Variants in ACTL8 observed in about 807,000 individuals in gnomAD.
ACTL8 encodes the protein actin like 8.
A neutral mutation model predicts 9.3 loss-of-function variants in ACTL8; 3 were observed. The observed-to-expected ratio is 0.32, with a 90% CI of 0.15 to 0.83. The LOEUF (loss-of-function observed/expected upper bound fraction) is 0.83. ACTL8 is among the 40% of genes least tolerant of loss of function. ACTL8 has a pLI of 0.57. For synonymous variants in ACTL8, 224 were observed against 205.9 expected (o/e 1.09, Z -0.75); for missense variants, 381 against 492.2 (o/e 0.77, Z 2.14).
chr1:17,823,029 C>G lies in ACTL8; in HGVS notation c.21C>G (p.Ile7Met). 1 of 1,614,026 alleles carries G rather than the reference C, an allele frequency of 6.2e-7. No homozygotes were observed. Among genetic ancestry groups the G allele is most frequent in the Middle Eastern group, 1.7e-4 (1 of 6,060 alleles). ...CCGCCATGGCTGCAAGAACCGTTAT[C>G]ATTGACCACGGGTCTGGCTTTTTGA... MAARTV[I>M]IDHGSGFLKA... Residue 7 changes from isoleucine (I) to methionine (M), a missense_variant, in exon 2 of 3, where the codon ATC becomes ATG. Around this residue, in one of 3 missense-constraint regions of ACTL8, gnomAD observed 125 missense variants for 180.7 expected, o/e 0.69. Transcript: ENST00000375406. The surrounding 1 kb of genome is among the most constrained non-coding windows in gnomAD (Gnocchi z 5.3).
At chr1:17,824,548 T>G (rs186148000) in intron 2 of ACTL8, among the ~76,000 whole-genome samples, 2 of 152,338 alleles carry the variant, frequency 1.3e-5, no homozygotes, top group East Asian at 3.9e-4. Flanking sequence ...TATTGTAGGT[T>G]TACTAGGTAA....
At chr1:17,790,053 A>G (rs1011493184) in intron 1 of ACTL8, among the ~76,000 whole-genome samples, 10 of 152,314 alleles carry the variant, frequency 6.6e-5, no homozygotes, top group Admixed American at 5.9e-4. Context: ...ACAGTCAGAC[A>G]TGCCAGCTGC....
intron 1 of ACTL8, among the ~76,000 whole-genome samples, chr1:17,774,512 G>C (rs2066104982): frequency 2.6e-5 from 4 of 152,130 alleles, no homozygotes; most frequent in Admixed American, 2.6e-4. Flanking sequence ...GCCAGGGAAG[G>C]CCCACTGAGA....
intron 1 of ACTL8, among the ~76,000 whole-genome samples, chr1:17,784,281 C>G (rs1473206079): frequency 6.6e-6 from 1 of 152,148 alleles, no homozygotes; most frequent in Non-Finnish European, 1.5e-5. Flanking sequence ...CTCATGAGAA[C>G]TCACTATCTT....
chr1:17,777,018 C>T (rs1484087454), intron 1 of ACTL8, among the ~76,000 whole-genome samples: 9 of 101,958 alleles, frequency 8.8e-5, no homozygotes, highest in Admixed American at 1.5e-4. Context: ...AGATGGGGGT[C>T]TTGCCATGTT....
chr1:17,763,527 C>T (rs2102674296), intron 1 of ACTL8, among the ~76,000 whole-genome samples: 1 of 152,324 alleles, frequency 6.6e-6, no homozygotes. Context: ...TCGGCCCCTC[C>T]CCGTGTCCCC....
At chr1:17,770,838 G>A (rs2066077806) in intron 1 of ACTL8, among the ~76,000 whole-genome samples, 1 of 152,172 alleles carries the variant, frequency 6.6e-6, no homozygotes, top group Non-Finnish European at 1.5e-5. Context: ...GATAGCAGTT[G>A]TCAGTCCTGG....
chr1:17,823,180 T>G lies in ACTL8; in HGVS notation c.172T>G (p.Cys58Gly). The change falls in exon 2 of 3, where the codon TGC becomes GGC. Residue 58 changes from cysteine (C) to glycine (G), a missense_variant. Around this residue, in one of 3 missense-constraint regions of ACTL8, gnomAD observed 125 missense variants for 180.7 expected, o/e 0.69. Transcript: ENST00000375406. This position sits in a 1 kb window ranked among gnomAD's most constrained non-coding sequence, Gnocchi z 5.3. The part of the protein sequence containing the change: ...RRRVSLGIDI[C>G]HPDTFSYPIE... ...GCGTGTGAGCCTGGGCATCGACATT[T>G]GCCATCCTGACACCTTTAGCTACCC... 1 of 1,614,186 alleles carries G rather than the reference T, an allele frequency of 6.2e-7. No homozygotes were observed.
intron 1 of ACTL8, among the ~76,000 whole-genome samples, chr1:17,772,423 A>G (rs1046086879): frequency 1.3e-5 from 2 of 151,934 alleles, no homozygotes; most frequent in Non-Finnish European, 2.9e-5. Flanking sequence ...TCCTCTCCTA[A>G]AGTCGGTTTC....
chr1:17,790,110 C>T (rs1193550096), intron 1 of ACTL8, among the ~76,000 whole-genome samples: 1 of 152,222 alleles, frequency 6.6e-6, no homozygotes, highest in Non-Finnish European at 1.5e-5. Context: ...TGCCAGCTCT[C>T]TGTGGGTCTG....
intron 1 of ACTL8, among the ~76,000 whole-genome samples, chr1:17,816,216 T>TTTTTTTTTTTTA (rs2066425335): frequency 6.7e-6 from 1 of 148,492 alleles, no homozygotes; most frequent in Admixed American, 6.9e-5. Context: ...TTTTTTTTTT[T>TTTTTTTTTTTTA]GAGACCAGGT....
chr1:17,771,153 A>G lies in ACTL8; in HGVS notation c.-25+15649A>G, dbSNP rs78746655. ...CATATGGTCTCTGTCGGACGCTGCAACTCAGCTGTTGTAACTTGAAAGCAG... is the reference window on the plus strand; with the variant it reads ...CATATGGTCTCTGTCGGACGCTGCAGCTCAGCTGTTGTAACTTGAAAGCAG... On this transcript the variant is annotated intron_variant, in intron 1 of 2. Transcript: ENST00000375406. Among the ~76,000 whole-genome samples, 412 of 152,340 alleles carry G rather than the reference A, an allele frequency of 2.7e-3. 9 individuals are homozygous for G. In the East Asian group the frequency reaches 0.052, roughly 19 times the overall value.
At chr1:17,764,807 A>G (rs16830724) in intron 1 of ACTL8, among the ~76,000 whole-genome samples, 1 of 152,098 alleles carries the variant, frequency 6.6e-6, no homozygotes, top group Non-Finnish European at 1.5e-5. Context: ...GCAGAAACTG[A>G]TGTGTTAACA....
chr1:17,755,657 T>A (rs2102670132), intron 1 of ACTL8, among the ~76,000 whole-genome samples, 153 bp downstream of exon 1: 1 of 150,726 alleles, frequency 6.6e-6, no homozygotes, highest in Non-Finnish European at 1.5e-5. Context: ...CACTTCTTTG[T>A]GGGGTTGGGG....
At chr1:17,788,419 G>C (rs1477552769) in intron 1 of ACTL8, among the ~76,000 whole-genome samples, 8 of 152,208 alleles carry the variant, frequency 5.3e-5, no homozygotes, top group Non-Finnish European at 1.0e-4. Flanking sequence ...TCCCAGCCAG[G>C]ATACAAGTGT....
intron 1 of ACTL8, among the ~76,000 whole-genome samples, chr1:17,764,576 A>C (rs11590138): frequency 0.32 from 48,071 of 151,242 alleles, 7,744 homozygotes; most frequent in Admixed American, 0.39. Context: ...GCTTCTGGGC[A>C]CCCCCCCACA....
chr1:17,763,994 C>A (rs1391443337), intron 1 of ACTL8, among the ~76,000 whole-genome samples: 4 of 151,708 alleles, frequency 2.6e-5, no homozygotes, highest in Non-Finnish European at 5.9e-5. Flanking sequence ...TCATGATAAT[C>A]ATTATTTTTG....
chr1:17,763,617 C>G (rs946613285), intron 1 of ACTL8, among the ~76,000 whole-genome samples: 6 of 152,222 alleles, frequency 3.9e-5, no homozygotes, highest in African/African-American at 1.2e-4. Flanking sequence ...TTGTAAGCAG[C>G]TCATTACGTC....
At chr1:17,796,599 C>T (rs2066278750) in intron 1 of ACTL8, among the ~76,000 whole-genome samples, 1 of 152,228 alleles carries the variant, frequency 6.6e-6, no homozygotes, top group African/African-American at 2.4e-5. Context: ...CTTTGCCCTC[C>T]ACCCCCTCTG....
Sources: allele counts gnomAD v4.1 joint callset (sites outside exome capture counted in the v4.1 genomes callset), GRCh38; gene constraint gnomAD v4.1.1; regional missense constraint gnomAD v4.1.1; non-coding constraint Gnocchi (gnomAD v3.1); transcripts MANE v1.5; gene names NCBI Gene and HGNC (gene_info 2026-07-23, HGNC 2026-07-21).